The following ST18 variants were observed in gnomAD, a reference collection of about 807,000 sequenced individuals.
ST18 encodes ST18 C2H2C-type zinc finger transcription factor.
ST18 carries 50 observed loss-of-function variants against 110.0 expected under a neutral mutation model. The observed-to-expected ratio is 0.45, with a 90% CI of 0.36 to 0.58. ST18 has a LOEUF of 0.58. Among genes scored for constraint, ST18 ranks in the 20% least tolerant of loss-of-function variants. The pLI is 0.00. For synonymous variants in ST18, 461 were observed against 452.4 expected (o/e 1.02, Z -0.24); for missense variants, 1,306 against 1,280.1 (o/e 1.02, Z -0.31).
chr8:52,289,190 C>T lies in ST18; in HGVS notation c.-464-59113G>A, dbSNP rs895763568. Among the ~76,000 whole-genome samples, 12 of 152,312 alleles carry T rather than the reference C, an allele frequency of 7.9e-5. No homozygotes were observed. In the East Asian group the frequency reaches 1.2e-3, roughly 15 times the overall value. ...TCTGCAAGAAAGCTTCCATTAAAGC[C>T]TGGGTCTTAGGCCAGGCACAGTGGG... On this transcript the variant is annotated intron_variant, in intron 2 of 25. Coordinates refer to ENST00000689386, the MANE Select transcript of ST18 (RefSeq NM_001352837.2).
intron 23 of ST18, among the ~76,000 whole-genome samples, chr8:52,121,443 A>G (rs2044762899): frequency 6.6e-6 from 1 of 152,238 alleles, no homozygotes. Context: ...TTTCCTGTTA[A>G]CATATCACTT....
At chr8:52,292,159 T>G (rs2095565993) in intron 2 of ST18, among the ~76,000 whole-genome samples, 1 of 152,244 alleles carries the variant, frequency 6.6e-6, no homozygotes, top group Non-Finnish European at 1.5e-5. Flanking sequence ...ATATGCTCAC[T>G]GATACCACTT....
At position 52,126,131 on chromosome 8, in the gene ST18, T is replaced by A. The variant is rs774847084; in HGVS notation, c.2676A>T (p.Gly892=). ...NVFVTHRSLS[G]CPLNAQVIKK... ...TGATAACTTGTGCATTGAGAGGACATCCAGATAAGCTGTGAAAATAGAAAT... is the reference window on the plus strand; with the variant it reads ...TGATAACTTGTGCATTGAGAGGACAACCAGATAAGCTGTGAAAATAGAAAT... The change falls in exon 23 of 26, where the codon GGA becomes GGT. Residue 892 remains glycine (G), a synonymous_variant. Coordinates refer to ENST00000689386, the MANE Select transcript of ST18 (RefSeq NM_001352837.2). 3.7e-6 allele frequency: 6 copies of A among 1,613,988 alleles called. No individual in the cohort carries two copies. The South Asian group carries it at 6.6e-5, about 18-fold the overall frequency.
chr8:52,120,357 G>A (rs977207768), intron 23 of ST18, among the ~76,000 whole-genome samples: 15 of 152,250 alleles, frequency 9.9e-5, no homozygotes, highest in African/African-American at 3.6e-4. Context: ...CCACCTCAAA[G>A]AATGTTATTT....
chr8:52,361,554 T>G (rs1225655007), intron 2 of ST18, among the ~76,000 whole-genome samples: 4 of 152,234 alleles, frequency 2.6e-5, no homozygotes, highest in Non-Finnish European at 2.9e-5. Context: ...GACATTTAAA[T>G]AATTCCTTTT....
chr8:52,253,207 C>T (rs1341036934), intron 2 of ST18, among the ~76,000 whole-genome samples: 1 of 151,950 alleles, frequency 6.6e-6, no homozygotes, highest in Admixed American at 6.6e-5. Context: ...AAAAACACTC[C>T]AGTTATTTCC....
At chr8:52,358,104 C>T (rs1824014502) in intron 2 of ST18, among the ~76,000 whole-genome samples, 2 of 151,798 alleles carry the variant, frequency 1.3e-5, no homozygotes, top group South Asian at 2.1e-4. Context: ...TTTAACCAAT[C>T]AGTGGGCCAA....
Position 52,113,427 on chromosome 8 carries a change from G to A in ST18, c.3004-89C>T, listed in dbSNP as rs1436495205. ...CAGTGACATCGAAGATCAGTGATCCGGGAGTCGGGAGGGAAGGCAAGGGTG... is the reference window on the plus strand; with the variant it reads ...CAGTGACATCGAAGATCAGTGATCCAGGAGTCGGGAGGGAAGGCAAGGGTG... On this transcript the variant is annotated intron_variant, in intron 25 of 25. Transcript: ENST00000689386. 6.6e-6 allele frequency: 10 copies of A among 1,511,454 alleles called. No individual in the cohort carries two copies. The East Asian group carries it at 1.4e-4, about 21-fold the overall frequency. 93.6% of individuals were successfully genotyped at this position (1,511,454 alleles called of 1,614,324 possible). A position where few individuals can be genotyped will look rare whatever the true frequency, so the allele number is the denominator to read the frequency against.
chr8:52,229,109 A>G (rs1318916754), intron 3 of ST18, among the ~76,000 whole-genome samples: 3 of 152,214 alleles, frequency 2.0e-5, no homozygotes, highest in Non-Finnish European at 4.4e-5. Flanking sequence ...TAGCCTCTCA[A>G]GAACATTTTC....
Position 52,113,142 on chromosome 8 carries a change from A to G in ST18, c.*56T>C, listed in dbSNP as rs2041014266. On this transcript the variant is annotated 3_prime_UTR_variant, in exon 26 of 26. Coordinates refer to ENST00000689386, the MANE Select transcript of ST18 (RefSeq NM_001352837.2). ...TTAGCAGTACATGAACCTCTAACAG[A>G]TCCATCTGGAGTTTACTGCTGTTGG... is the stretch of plus-strand genomic sequence containing the variant. 3.1e-6 allele frequency: 5 copies of G among 1,603,344 alleles called. No homozygotes were observed. Among genetic ancestry groups the G allele is most frequent in the Non-Finnish European group, 4.3e-6 (5 of 1,175,150 alleles).
chr8:52,272,756 C>A (rs931978818), intron 2 of ST18, among the ~76,000 whole-genome samples: 9 of 152,160 alleles, frequency 5.9e-5, no homozygotes, highest in African/African-American at 2.2e-4. Flanking sequence ...AGGATCTCAA[C>A]ACTCCCATGT....
intron 2 of ST18, among the ~76,000 whole-genome samples, chr8:52,373,730 T>C (rs1831103651): frequency 6.6e-6 from 1 of 152,176 alleles, no homozygotes; most frequent in Non-Finnish European, 1.5e-5. Flanking sequence ...TACATTATAA[T>C]ACATTTCTTA....
chr8:52,274,649 A>T (rs938259512), intron 2 of ST18, among the ~76,000 whole-genome samples: 29 of 152,150 alleles, frequency 1.9e-4, no homozygotes, highest in African/African-American at 7.0e-4. Context: ...GCATGCACTG[A>T]CTTGTTTTCA....
intron 23 of ST18, among the ~76,000 whole-genome samples, chr8:52,125,405 A>ACACACG (rs35834133): frequency 6.6e-6 from 1 of 151,458 alleles, no homozygotes. Flanking sequence ...ACACACACAC[A>ACACACG]TACACACACA....
intron 2 of ST18, among the ~76,000 whole-genome samples, chr8:52,357,146 T>C (rs1823107683): frequency 6.6e-6 from 1 of 152,158 alleles, no homozygotes; most frequent in Admixed American, 6.5e-5. Context: ...GATACAAGCT[T>C]GCAATGTGAA....
chr8:52,231,501 C>T (rs1260181285), intron 2 of ST18, among the ~76,000 whole-genome samples: 33 of 149,138 alleles, frequency 2.2e-4, no homozygotes, highest in Admixed American at 1.6e-3. Context: ...TTTTTTTTGA[C>T]GGAGTCTTGC....
intron 18 of ST18, 47 bp downstream of exon 18, chr8:52,137,374 T>C (rs745838913): frequency 3.1e-6 from 5 of 1,598,772 alleles, no homozygotes; most frequent in African/African-American, 2.7e-5. Context: ...GTATTTAAAA[T>C]AGAACAAGAC....
chr8:52,326,420 G>A (rs1477983704), intron 2 of ST18, among the ~76,000 whole-genome samples: 2 of 152,322 alleles, frequency 1.3e-5, no homozygotes, highest in East Asian at 3.9e-4. Context: ...GGTTTAGTAT[G>A]TGAAGGTTTA....
At chr8:52,317,259 G>A (rs1314129155) in intron 2 of ST18, among the ~76,000 whole-genome samples, 1 of 152,164 alleles carries the variant, frequency 6.6e-6, no homozygotes, top group Non-Finnish European at 1.5e-5. Flanking sequence ...GGATTACCCA[G>A]GTAGGCCCTA....
Sources: gnomAD v4.1 joint callset for allele counts (sites outside exome capture counted in the v4.1 genomes callset) on GRCh38, gnomAD v4.1.1 for gene constraint, MANE v1.5 for transcripts, NCBI Gene and HGNC (gene_info 2026-07-23, HGNC 2026-07-21) for gene names.